Variants in CDH13 observed in about 807,000 individuals in gnomAD.
CDH13 encodes cadherin-13.
Under a neutral mutation model 63.8 loss-of-function variants are expected in CDH13, and 24 were observed. The ratio of observed to expected loss-of-function variants is 0.38; its 90% CI spans 0.27 to 0.53. The LOEUF (loss-of-function observed/expected upper bound fraction) is 0.53. CDH13 is among the 20% of genes least tolerant of loss of function. CDH13 has a pLI of 0.85. For synonymous variants in CDH13, 503 were observed against 355.3 expected, an observed-to-expected ratio of 1.42 and a Z score of -4.67; for missense variants, 1,049 against 903.1, an observed-to-expected ratio of 1.16 and a Z score of -2.07.
chr16:83,383,391 A>C (rs1003965923), intron 6 of CDH13, among the ~76,000 whole-genome samples: 1 of 152,088 alleles, frequency 6.6e-6, no homozygotes, highest in Non-Finnish European at 1.5e-5. Context: ...GATATTCCAG[A>C]TCATCGATCT....
chr16:82,892,063 G>A (rs2041099132), intron 2 of CDH13, among the ~76,000 whole-genome samples: 2 of 152,126 alleles, frequency 1.3e-5, no homozygotes, highest in East Asian at 1.9e-4. Flanking sequence ...ATGAAGGGAG[G>A]CAGCTCAACT....
At chr16:83,434,641 G>A (rs1176461046) in intron 6 of CDH13, among the ~76,000 whole-genome samples, 2 of 151,768 alleles carry the variant, frequency 1.3e-5, no homozygotes, top group African/African-American at 4.8e-5. Context: ...CAGTAATCAT[G>A]TACATAGCCC....
intron 1 of CDH13, among the ~76,000 whole-genome samples, chr16:82,853,883 G>C (rs2039588074): frequency 6.6e-6 from 1 of 152,160 alleles, no homozygotes; most frequent in African/African-American, 2.4e-5. Context: ...AGGATTTGGG[G>C]AAAACTATGT....
chr16:83,473,991 C>T (rs1474002666), intron 6 of CDH13, among the ~76,000 whole-genome samples: 1 of 152,192 alleles, frequency 6.6e-6, no homozygotes, highest in Non-Finnish European at 1.5e-5. Context: ...ATCACTCCTG[C>T]ACCAACTTTT....
chr16:83,035,620 G>A (rs1199388296), intron 3 of CDH13, among the ~76,000 whole-genome samples: 1 of 152,202 alleles, frequency 6.6e-6, no homozygotes, highest in Admixed American at 6.5e-5. Flanking sequence ...CCTGGCCCCT[G>A]AGTCCGTGCC....
intron 3 of CDH13, among the ~76,000 whole-genome samples, chr16:83,058,976 A>G (rs376300841): frequency 1.3e-5 from 2 of 152,134 alleles, no homozygotes; most frequent in Non-Finnish European, 2.9e-5. Context: ...TCAAAGATGG[A>G]TGTCCCGGTT....
intron 2 of CDH13, among the ~76,000 whole-genome samples, chr16:82,924,167 C>A (rs2042237871): frequency 6.6e-6 from 1 of 152,148 alleles, no homozygotes; most frequent in Non-Finnish European, 1.5e-5. Flanking sequence ...CATTGCTTTT[C>A]TGTAAGAAGG....
chr16:83,192,709 C>T lies in CDH13; in HGVS notation c.484-24636C>T, dbSNP rs116687229. 5.4e-3 allele frequency among the ~76,000 whole-genome samples: 827 copies of T among 152,168 alleles called. 9 individuals are homozygous for T. The highest frequency in any genetic ancestry group is 0.019 in the African/African-American group (775 of 41,522). On this transcript the variant is annotated intron_variant, in intron 4 of 13. Coordinates refer to ENST00000567109, the MANE Select transcript of CDH13 (RefSeq NM_001257.5). ...TTGCGTGCTGTATCACCAAGCCGTT[C>T]CCATGGCTGTGAATTCCGGGAAGTT...
At chr16:82,641,395 A>G (rs1909378716) in intron 1 of CDH13, among the ~76,000 whole-genome samples, 1 of 152,246 alleles carries the variant, frequency 6.6e-6, no homozygotes, top group South Asian at 2.1e-4. Flanking sequence ...TCTTGCCACC[A>G]TTACATGTTA....
chr16:83,012,420 C>T (rs1184267986), intron 2 of CDH13, among the ~76,000 whole-genome samples: 4 of 150,216 alleles, frequency 2.7e-5, no homozygotes, highest in Non-Finnish European at 5.9e-5. Flanking sequence ...AATAAAATCG[C>T]TATTTTCCTA....
At chr16:82,759,600 G>A (rs1210803781) in intron 1 of CDH13, among the ~76,000 whole-genome samples, 9 of 150,656 alleles carry the variant, frequency 6.0e-5, no homozygotes, top group Admixed American at 5.3e-4. Context: ...TAATATATAT[G>A]TATAATATAA....
At position 83,088,072 on chromosome 16, in the gene CDH13, G is replaced by A. The variant is rs74033116; in HGVS notation, c.367-37313G>A. On this transcript the variant is annotated intron_variant, in intron 3 of 13. Coordinates refer to ENST00000567109, the MANE Select transcript of CDH13 (RefSeq NM_001257.5). Reference sequence around the variant, plus strand: ...TGCGGTTTTGCCACTGAAAGTAATGGCAAATACTTAGAAATATTTAGAATA... The same window carrying A: ...TGCGGTTTTGCCACTGAAAGTAATGACAAATACTTAGAAATATTTAGAATA... Among the ~76,000 whole-genome samples the A allele has an allele frequency of 5.0e-3, 764 of 152,240 alleles. 11 individuals are homozygous for A. The highest frequency in any genetic ancestry group is 0.018 in the African/African-American group (728 of 41,540).
rs150607460 is a variant in CDH13, at chr16:83,063,455, A to G, written c.366+31237A>G. ...TCATGAAGATTGGCAAGGAATGTGC[A>G]GCCATTTTCAAACCACCCCGCAGAG... On this transcript the variant is annotated intron_variant, in intron 3 of 13. Transcript: ENST00000567109. Among the ~76,000 whole-genome samples, 571 of 152,316 alleles carry G rather than the reference A, an allele frequency of 3.7e-3. 6 individuals are homozygous for G. Among genetic ancestry groups the G allele is most frequent in the African/African-American group, 0.013 (541 of 41,568 alleles).
chr16:83,401,711 C>A (rs74249521), intron 6 of CDH13, among the ~76,000 whole-genome samples: 5 of 151,978 alleles, frequency 3.3e-5, no homozygotes, highest in Non-Finnish European at 7.4e-5. Flanking sequence ...CCCAAGGATG[C>A]GTGACTGGTA....
chr16:83,017,712 C>G (rs1311878821), intron 2 of CDH13, among the ~76,000 whole-genome samples: 2 of 152,110 alleles, frequency 1.3e-5, no homozygotes, highest in Non-Finnish European at 1.5e-5. Flanking sequence ...ACTATTAGCA[C>G]TATTAGGGTT....
At chr16:83,439,763 C>A (rs1048610730) in intron 6 of CDH13, among the ~76,000 whole-genome samples, 1 of 152,160 alleles carries the variant, frequency 6.6e-6, no homozygotes, top group Admixed American at 6.5e-5. Context: ...GACAGGAGAA[C>A]ACCAACATCT....
At position 83,800,472 on chromosome 16, in the gene CDH13, A is replaced by G. The variant is rs1417585709; in HGVS notation, c.*5442A>G. ...CACTTTTCAAAAGGGATAAAAGTTAATCATGTTAAAATATTCAGTCTATGG... is the reference window on the plus strand; with the variant it reads ...CACTTTTCAAAAGGGATAAAAGTTAGTCATGTTAAAATATTCAGTCTATGG... On this transcript the variant is annotated 3_prime_UTR_variant, in exon 14 of 14. Coordinates refer to ENST00000567109, the MANE Select transcript of CDH13 (RefSeq NM_001257.5). 6.6e-6 allele frequency: 1 copy of G among 152,238 alleles called. No individual in the cohort carries two copies. The highest frequency in any genetic ancestry group is 2.4e-5 in the African/African-American group (1 of 41,462). 9.4% of individuals were successfully genotyped at this position (152,238 alleles called of 1,614,324 possible).
intron 3 of CDH13, among the ~76,000 whole-genome samples, chr16:83,108,061 T>C (rs1435457571): frequency 2.6e-5 from 4 of 152,148 alleles, no homozygotes; most frequent in African/African-American, 9.7e-5. Context: ...GACCTCGTGA[T>C]CCACCCACCT....
At chr16:83,585,933 A>G (rs1398102358) in intron 7 of CDH13, among the ~76,000 whole-genome samples, 2 of 152,154 alleles carry the variant, frequency 1.3e-5, no homozygotes, top group Non-Finnish European at 2.9e-5. Context: ...TTGGGTTTCT[A>G]TCCCAGTGCC....
Sources: gnomAD v4.1 joint callset for allele counts (sites outside exome capture counted in the v4.1 genomes callset) on GRCh38, gnomAD v4.1.1 for gene constraint, MANE v1.5 for transcripts, NCBI Gene and HGNC (gene_info 2026-07-23, HGNC 2026-07-21) for gene names.